SLC26A8: variants seen among roughly 807,000 people sequenced by gnomAD.
SLC26A8 encodes testis anion transporter 1.
SLC26A8 carries 70 observed loss-of-function variants against 105.0 expected under a neutral mutation model. That is an observed-to-expected ratio of 0.67 (90% CI 0.55 to 0.81). The LOEUF (loss-of-function observed/expected upper bound fraction) is 0.81. Among genes scored for constraint, SLC26A8 ranks in the 40% least tolerant of loss-of-function variants. The probability of loss-of-function intolerance (pLI) is 0.00; values close to 1 mark genes in which losing one functional copy is unlikely to be tolerated. For missense variants in SLC26A8, 998 were observed against 1,181.8 expected (o/e 0.84, Z 2.28); for synonymous variants, 415 against 438.3 (o/e 0.95, Z 0.66).
chr6:35,988,371 T>C (rs1290851145), intron 7 of SLC26A8, among the ~76,000 whole-genome samples: 2 of 152,196 alleles, frequency 1.3e-5, no homozygotes, highest in Non-Finnish European at 2.9e-5. Context: ...CATTGGCTCA[T>C]GCCTGTAATC....
intron 3 of SLC26A8, among the ~76,000 whole-genome samples, chr6:36,001,041 C>G (rs1024696238): frequency 6.6e-5 from 10 of 152,146 alleles, no homozygotes; most frequent in Admixed American, 5.9e-4. Flanking sequence ...CATCATTATC[C>G]ACTCAGTGTT....
At position 35,991,879 on chromosome 6, in the gene SLC26A8, G is replaced by A. The variant is rs1286344215; in HGVS notation, c.793-71C>T. ...TTGCCTAAGTCTAGAAATTGACACT[G>A]TAGATTAACCCAAAAAGAAGTCCCC... On this transcript the variant is annotated intron_variant, in intron 6 of 19. Coordinates refer to ENST00000490799, the MANE Select transcript of SLC26A8 (RefSeq NM_052961.4). The A allele has an allele frequency of 2.1e-6, 3 of 1,413,226 alleles. No homozygotes were observed. The East Asian group carries it at 7.6e-5, about 36-fold the overall frequency. The allele number at this position is 1,413,226 out of a possible 1,614,324, so 87.5% of individuals were successfully genotyped here.
intron 8 of SLC26A8, among the ~76,000 whole-genome samples, chr6:35,978,906 G>A (rs1297756972): frequency 6.8e-6 from 1 of 147,468 alleles, no homozygotes. Flanking sequence ...GTGCAGTGGC[G>A]TGATCATGGC....
rs536758186 is a variant in SLC26A8, at chr6:35,961,103, A to G, written c.1462-4T>C. ...AGAATGTCATCATCCAAAGAGCCTT[A>G]TGGAAAAGGGAATGAGGGGAAAATG... On this transcript the variant is annotated splice_region_variant and splice_polypyrimidine_tract_variant and intron_variant, in intron 12 of 19. Transcript: ENST00000490799. 4 of 1,610,194 alleles carry G rather than the reference A, an allele frequency of 2.5e-6. No homozygotes were observed. The South Asian group carries it at 4.4e-5, about 18-fold the overall frequency.
intron 7 of SLC26A8, among the ~76,000 whole-genome samples, chr6:35,985,204 T>C (rs1773447101): frequency 6.6e-6 from 1 of 152,160 alleles, no homozygotes; most frequent in African/African-American, 2.4e-5. Context: ...TATTGATTGA[T>C]ATATTGTGTC....
At chr6:35,953,120 A>AC (rs1425082646) in intron 17 of SLC26A8, among the ~76,000 whole-genome samples, 1 of 152,120 alleles carries the variant, frequency 6.6e-6, no homozygotes, top group Non-Finnish European at 1.5e-5. Flanking sequence ...GGCAGTATAC[A>AC]CAACTACAAA....
chr6:36,015,368 C>T (rs947833170), intron 2 of SLC26A8, among the ~76,000 whole-genome samples: 15 of 152,182 alleles, frequency 9.9e-5, no homozygotes, highest in Non-Finnish European at 2.2e-4. Context: ...GCCTCGGCCT[C>T]CCAGAGTGCT....
intron 16 of SLC26A8, among the ~76,000 whole-genome samples, chr6:35,956,021 C>T (rs1046747342): frequency 6.6e-6 from 1 of 152,038 alleles, no homozygotes; most frequent in Non-Finnish European, 1.5e-5. Context: ...CAGGTGGATC[C>T]CTTGAGCTCA....
At chr6:36,022,676 G>A (rs1358177092) in intron 1 of SLC26A8, among the ~76,000 whole-genome samples, 1 of 152,050 alleles carries the variant, frequency 6.6e-6, no homozygotes, top group Non-Finnish European at 1.5e-5. Context: ...TTGTCTTTAA[G>A]GAACTCCATC....
intron 19 of SLC26A8, among the ~76,000 whole-genome samples, chr6:35,947,751 CA>C (rs1771725239): frequency 6.6e-6 from 1 of 151,740 alleles, no homozygotes; most frequent in Admixed American, 6.6e-5. Context: ...GGCAACATGG[CA>C]AAACCCCGTC....
rs138054927 is a variant in SLC26A8, at chr6:35,959,381, ATTTT to A, written c.1863+75_1863+78del. On this transcript the variant is annotated intron_variant, in intron 16 of 19. Transcript: ENST00000490799. ...AAGTCAAAATCCCTTAGAGGTTTTG[ATTTT>A]TTTTTTAAGAAATGACTAGTGTACT... 2.2e-6 allele frequency: 3 copies of A among 1,360,668 alleles called. No homozygotes were observed. In the African/African-American group the frequency reaches 4.6e-5, roughly 21 times the overall value. 84.3% of individuals were successfully genotyped at this position (1,360,668 alleles called of 1,614,324 possible). A position where few individuals can be genotyped will look rare whatever the true frequency, so the allele number is the denominator to read the frequency against.
chr6:36,010,902 T>G (rs912815499), intron 3 of SLC26A8, among the ~76,000 whole-genome samples: 2 of 152,204 alleles, frequency 1.3e-5, no homozygotes, highest in African/African-American at 2.4e-5. Context: ...TTTTACTATT[T>G]GATAATTTAG....
intron 3 of SLC26A8, among the ~76,000 whole-genome samples, chr6:36,002,642 T>C (rs1025698078): frequency 2.0e-5 from 3 of 152,162 alleles, no homozygotes; most frequent in African/African-American, 7.2e-5. Flanking sequence ...GGAGTATGTA[T>C]ATTATAAATA....
chr6:36,007,207 A>G (rs2127364473), intron 3 of SLC26A8, among the ~76,000 whole-genome samples: 1 of 152,370 alleles, frequency 6.6e-6, no homozygotes, highest in South Asian at 2.1e-4. Context: ...CTATTAACAG[A>G]TGACATGATT....
At chr6:35,979,641 A>G (rs1663286251) in intron 8 of SLC26A8, among the ~76,000 whole-genome samples, 1 of 152,202 alleles carries the variant, frequency 6.6e-6, no homozygotes, top group South Asian at 2.1e-4. Context: ...GCTGTCCCAA[A>G]GAGGTACACA....
chr6:36,013,428 G>A lies in SLC26A8; in HGVS notation c.189-1056C>T, dbSNP rs539986992. On this transcript the variant is annotated intron_variant, in intron 2 of 19. Coordinates refer to ENST00000490799, the MANE Select transcript of SLC26A8 (RefSeq NM_052961.4). ...GCCAGGCTGGTCAGGTGATCTGCTCGCCTCGGCCTCCCAAAGTGCTAGGAT... is the reference window on the plus strand; with the variant it reads ...GCCAGGCTGGTCAGGTGATCTGCTCACCTCGGCCTCCCAAAGTGCTAGGAT... Among the ~76,000 whole-genome samples, 298 of 152,134 alleles carry A rather than the reference G, an allele frequency of 2.0e-3. 1 individual carries two copies. Among genetic ancestry groups the A allele is most frequent in the Non-Finnish European group, 3.0e-3 (203 of 67,988 alleles).
intron 5 of SLC26A8, among the ~76,000 whole-genome samples, chr6:35,996,230 G>A (rs1761347142): frequency 6.6e-6 from 1 of 152,096 alleles, no homozygotes; most frequent in African/African-American, 2.4e-5. Context: ...TGCCTTTGTA[G>A]GTACCCAATA....
intron 3 of SLC26A8, among the ~76,000 whole-genome samples, chr6:36,009,380 C>A (rs1407929537): frequency 2.7e-5 from 4 of 149,890 alleles, no homozygotes; most frequent in Admixed American, 2.0e-4. Flanking sequence ...ACAACAACAA[C>A]AACAAACCTG....
chr6:35,975,186 T>A (rs1017648122), intron 10 of SLC26A8, among the ~76,000 whole-genome samples, 189 bp downstream of exon 10: 1 of 152,202 alleles, frequency 6.6e-6, no homozygotes, highest in Non-Finnish European at 1.5e-5. Context: ...GACAAGTAAC[T>A]TTTAAGACAA....
Sources: allele counts gnomAD v4.1 joint callset (sites outside exome capture counted in the v4.1 genomes callset), GRCh38; gene constraint gnomAD v4.1.1; transcripts MANE v1.5; gene names NCBI Gene and HGNC (gene_info 2026-07-23, HGNC 2026-07-21).